SNPH: variants seen among roughly 807,000 people sequenced by gnomAD.
The protein encoded by SNPH is syntaphilin.
Under a neutral mutation model 36.8 loss-of-function variants are expected in SNPH, and 10 were observed. That is an observed-to-expected ratio of 0.27 (90% CI 0.17 to 0.46). The LOEUF is 0.46. Among genes scored for constraint, SNPH ranks in the 20% least tolerant of loss-of-function variants. The probability of loss-of-function intolerance (pLI) is 1.00; values close to 1 mark genes in which losing one functional copy is unlikely to be tolerated. For synonymous variants in SNPH, 281 were observed against 312.2 expected, an observed-to-expected ratio of 0.90 and a Z score of 1.05; for missense variants, 622 against 744.0, an observed-to-expected ratio of 0.84 and a Z score of 1.91.
intron 2 of SNPH, among the ~76,000 whole-genome samples, chr20:1,267,756 A>G (rs1443714661): frequency 4.6e-5 from 7 of 152,072 alleles, no homozygotes; most frequent in African/African-American, 7.3e-5. Flanking sequence ...ATCTCTTTCA[A>G]CTCTGACTTC....
chr20:1,289,398 G>A (rs529021400), intron 2 of SNPH, among the ~76,000 whole-genome samples: 2 of 152,218 alleles, frequency 1.3e-5, no homozygotes, highest in South Asian at 2.1e-4. Context: ...CAGGTAGAGG[G>A]GGGGCACTGG....
At chr20:1,269,035 T>C (rs2088041365) in intron 2 of SNPH, among the ~76,000 whole-genome samples, 2 of 151,918 alleles carry the variant, frequency 1.3e-5, no homozygotes, top group Admixed American at 6.6e-5. Flanking sequence ...GGAGGAGGAT[T>C]GGGAAGGGAA....
chr20:1,290,801 A>C (rs2088352053), intron 2 of SNPH, among the ~76,000 whole-genome samples: 1 of 152,212 alleles, frequency 6.6e-6, no homozygotes, highest in African/African-American at 2.4e-5. Context: ...GTCATTTTAC[A>C]TCCCCACCAG....
intron 2 of SNPH, among the ~76,000 whole-genome samples, chr20:1,284,103 A>C (rs530586889): frequency 2.0e-5 from 3 of 152,208 alleles, no homozygotes; most frequent in Non-Finnish European, 4.4e-5. Flanking sequence ...GCTCTTGCAT[A>C]TAGTCATTAC....
intron 2 of SNPH, among the ~76,000 whole-genome samples, chr20:1,278,513 C>G (rs1429609569): frequency 6.6e-6 from 1 of 152,120 alleles, no homozygotes; most frequent in Non-Finnish European, 1.5e-5. Flanking sequence ...AAAGTTTCCT[C>G]CCCCTTCATC....
At chr20:1,277,290 C>T (rs2088143313) in intron 2 of SNPH, among the ~76,000 whole-genome samples, 1 of 152,212 alleles carries the variant, frequency 6.6e-6, no homozygotes, top group African/African-American at 2.4e-5. Flanking sequence ...GTGTCCCTAT[C>T]AGATGGAATC....
intron 6 of SNPH, among the ~76,000 whole-genome samples, chr20:1,301,339 T>A (rs2088506461): frequency 1.5e-5 from 2 of 131,282 alleles, no homozygotes; most frequent in South Asian, 4.8e-4. Context: ...GCCCAGTGGC[T>A]TCATCTTTGT....
At chr20:1,290,469 A>G (rs769549740) in intron 2 of SNPH, among the ~76,000 whole-genome samples, 2 of 152,188 alleles carry the variant, frequency 1.3e-5, no homozygotes, top group Non-Finnish European at 2.9e-5. Flanking sequence ...GGCTTCTTTC[A>G]TTTAGCATAA....
rs750816053 is a variant in SNPH, at chr20:1,305,770, G to A, written c.1333G>A (p.Val445Met). The A allele has an allele frequency of 6.2e-7, 1 of 1,610,288 alleles. No homozygotes were observed. Among genetic ancestry groups the A allele is most frequent in the South Asian group, 1.1e-5 (1 of 90,586 alleles). The stretch of plus-strand genomic sequence containing the variant: ...CAACCCTGGCCAGTCGGTGAGCGTG[G>A]TGTGCCCCATGGAAGAGGAGGAGGA... ...NPNPGQSVSV[V>M]CPMEEEEEAA... The change falls in exon 7 of 7, where the codon GTG becomes ATG. Residue 445 changes from valine to methionine, a missense_variant. Around this residue, in one of 3 missense-constraint regions of SNPH, gnomAD observed 379 missense variants for 427.9 expected, o/e 0.89. Coordinates refer to ENST00000381867, the MANE Select transcript of SNPH (RefSeq NM_001318234.2).
intron 2 of SNPH, among the ~76,000 whole-genome samples, chr20:1,269,991 G>A (rs2088053215): frequency 6.6e-6 from 1 of 152,150 alleles, no homozygotes; most frequent in South Asian, 2.1e-4. Flanking sequence ...GAAGTGCACT[G>A]GACTGGGTGT....
rs1600268663 is a variant in SNPH at position 1,306,130 on chromosome 20, A to C, written c.*76A>C. Reference sequence around the variant, plus strand: ...ATGCCGTTCCCCCCTCCCTTCTCCCATGGGCATCATCTTATTTATTTAGTT... The same window carrying C: ...ATGCCGTTCCCCCCTCCCTTCTCCCCTGGGCATCATCTTATTTATTTAGTT... On this transcript the variant is annotated 3_prime_UTR_variant, in exon 7 of 7. Coordinates refer to ENST00000381867, the MANE Select transcript of SNPH (RefSeq NM_001318234.2). 2.6e-6 allele frequency: 3 copies of C among 1,138,658 alleles called. No individual in the cohort carries two copies. The highest frequency in any genetic ancestry group is 3.5e-6 in the Non-Finnish European group (3 of 849,100). 70.5% of individuals were successfully genotyped at this position (1,138,658 alleles called of 1,614,324 possible).
chr20:1,279,615 C>CCTCTTTT (rs2088191400), intron 2 of SNPH, among the ~76,000 whole-genome samples: 1 of 111,630 alleles, frequency 9.0e-6, no homozygotes, highest in Non-Finnish European at 2.1e-5. Context: ...GAGACTCCGG[C>CCTCTTTT]TTCTTTTTTT....
chr20:1,293,587 C>T (rs12625859), intron 2 of SNPH, among the ~76,000 whole-genome samples: 24,685 of 152,062 alleles, frequency 0.16, 2,084 homozygotes, highest in Middle Eastern at 0.27. Flanking sequence ...ACTGAGTTTT[C>T]TGAGTAGGAT....
At position 1,305,371 on chromosome 20, in the gene SNPH, G is replaced by T. The variant is rs141691964; in HGVS notation, c.934G>T (p.Val312Leu). 2.3e-4 allele frequency: 369 copies of T among 1,612,532 alleles called. No individual in the cohort carries two copies. The highest frequency in any genetic ancestry group is 3.3e-4 in the Middle Eastern group (2 of 6,082). ...LEASSLLSSG[V>L]DCGTEETSLH... ...AGCCAGCAGCCTGCTGTCGTCGGGGGTGGACTGTGGCACCGAGGAGACCTC... is the reference window on the plus strand; with the variant it reads ...AGCCAGCAGCCTGCTGTCGTCGGGGTTGGACTGTGGCACCGAGGAGACCTC... Residue 312 changes from valine (V) to leucine (L), a missense_variant, in exon 7 of 7, where the codon GTG becomes TTG. Around this residue, in one of 3 missense-constraint regions of SNPH, gnomAD observed 379 missense variants for 427.9 expected, o/e 0.89. Coordinates refer to ENST00000381867, the MANE Select transcript of SNPH (RefSeq NM_001318234.2).
rs1056958393 is a variant in SNPH, at chr20:1,294,896, C to A, written c.-492-55C>A. 2.0e-5 allele frequency: 3 copies of A among 152,586 alleles called. No homozygotes were observed. Among genetic ancestry groups the A allele is most frequent in the Admixed American group, 6.5e-5 (1 of 15,274 alleles). The allele number at this position is 152,586 out of a possible 1,614,324, so 9.5% of individuals were successfully genotyped here. ...TGACTTGGCCAAGTCCCTTCCCTCT[C>A]GGTGGCTCGATTCCTCATCTGTAAA... is the stretch of plus-strand genomic sequence containing the variant. On this transcript the variant is annotated intron_variant, in intron 2 of 6. Transcript: ENST00000381867. This position sits in a 1 kb window ranked among gnomAD's most constrained non-coding sequence, Gnocchi z 4.4.
At chr20:1,290,427 T>C (rs2088345656) in intron 2 of SNPH, among the ~76,000 whole-genome samples, 1 of 152,244 alleles carries the variant, frequency 6.6e-6, no homozygotes, top group Non-Finnish European at 1.5e-5. Context: ...TTCATATAAA[T>C]GGAATCATGC....
At chr20:1,280,948 G>A (rs1467451057) in intron 2 of SNPH, among the ~76,000 whole-genome samples, 1 of 152,158 alleles carries the variant, frequency 6.6e-6, no homozygotes, top group Non-Finnish European at 1.5e-5. Flanking sequence ...CCCAAGCCCA[G>A]GGTGCTGCTG....
chr20:1,308,637 CT>C lies in SNPH; in HGVS notation c.*2584del, dbSNP rs1006499593. The C allele has an allele frequency of 6.6e-6, 1 of 152,516 alleles. No individual in the cohort carries two copies. Among genetic ancestry groups the C allele is most frequent in the African/African-American group, 2.4e-5 (1 of 41,470 alleles). The allele number at this position is 152,516 out of a possible 1,614,324, so 9.4% of individuals were successfully genotyped here. On this transcript the variant is annotated 3_prime_UTR_variant, in exon 7 of 7. Transcript: ENST00000381867. ...GGCAAAGATGGGGCGGGGCCTCCCC[CT>C]GAGAGAGCTCACCCTCCACAGTGAC...
chr20:1,273,273 T>G (rs1279796573), intron 2 of SNPH, among the ~76,000 whole-genome samples: 1 of 152,216 alleles, frequency 6.6e-6, no homozygotes, highest in Admixed American at 6.5e-5. Flanking sequence ...GAGCTCTTAA[T>G]TAGCAGAAGA....
Sources: allele counts gnomAD v4.1 joint callset (sites outside exome capture counted in the v4.1 genomes callset), GRCh38; gene constraint gnomAD v4.1.1; regional missense constraint gnomAD v4.1.1; non-coding constraint Gnocchi (gnomAD v3.1); transcripts MANE v1.5; gene names NCBI Gene and HGNC (gene_info 2026-07-23, HGNC 2026-07-21).